SUSD3: variants seen among roughly 807,000 people sequenced by gnomAD.
The protein encoded by SUSD3 is sushi domain-containing protein 3.
Under a neutral mutation model 20.6 loss-of-function variants are expected in SUSD3, and 18 were observed. The ratio of observed to expected loss-of-function variants is 0.87; its 90% CI spans 0.60 to 1.30. The LOEUF (loss-of-function observed/expected upper bound fraction) is 1.30. Ranked by LOEUF, SUSD3 falls within the 50% of genes most tolerant of loss-of-function variation. The pLI, the probability that SUSD3 is intolerant of heterozygous loss-of-function variation, is 0.00. For missense variants in SUSD3, 306 were observed against 346.9 expected (o/e 0.88, Z 0.94); for synonymous variants, 137 against 141.5 (o/e 0.97, Z 0.23).
Position 93,070,319 on chromosome 9 carries a change from G to A in SUSD3, c.89-5465G>A, listed in dbSNP as rs77880634. Among the ~76,000 whole-genome samples the A allele has an allele frequency of 4.0e-3, 603 of 152,264 alleles. 3 individuals are homozygous for A. Among genetic ancestry groups the A allele is most frequent in the African/African-American group, 0.012 (502 of 41,556 alleles). ...TGTAATAATACAGATAAAGAATGTGGGGTGCTCTTGAACAGAATATTCTAT... is the reference window on the plus strand; with the variant it reads ...TGTAATAATACAGATAAAGAATGTGAGGTGCTCTTGAACAGAATATTCTAT... On this transcript the variant is annotated intron_variant, in intron 1 of 4. Coordinates refer to ENST00000375472, the MANE Select transcript of SUSD3 (RefSeq NM_145006.4).
At chr9:93,059,506 A>G (rs2118891400) in intron 1 of SUSD3, among the ~76,000 whole-genome samples, 1 of 152,290 alleles carries the variant, frequency 6.6e-6, no homozygotes, top group East Asian at 1.9e-4. Context: ...CGGGGTTCGA[A>G]TGCTGGCCTT....
In SUSD3 at chr9:93,058,713, G is replaced by C. The variant is rs1477798261; in HGVS notation, c.-30G>C. On this transcript the variant is annotated 5_prime_UTR_variant, in exon 1 of 5. Coordinates refer to ENST00000375472, the MANE Select transcript of SUSD3 (RefSeq NM_145006.4). Reference sequence around the variant, plus strand: ...ACAAGCCGGGCTCACTCCCCTGGCAGACCCCGCCAAGCGCCTCGGAGCGCG... The same window carrying C: ...ACAAGCCGGGCTCACTCCCCTGGCACACCCCGCCAAGCGCCTCGGAGCGCG... 1.6e-6 allele frequency: 2 copies of C among 1,220,320 alleles called. No homozygotes were observed. The highest frequency in any genetic ancestry group is 1.6e-5 in the African/African-American group (1 of 64,078). 75.6% of individuals were successfully genotyped at this position (1,220,320 alleles called of 1,614,324 possible).
intron 1 of SUSD3, among the ~76,000 whole-genome samples, chr9:93,066,775 C>G (rs556783865): frequency 1.3e-5 from 2 of 152,178 alleles, no homozygotes; most frequent in Admixed American, 1.3e-4. Flanking sequence ...GTGGCACAAT[C>G]TTGGCTCACT....
At chr9:93,069,186 T>A in intron 1 of SUSD3, 1 of 701,050 alleles carries the variant, frequency 1.4e-6, no homozygotes, top group Non-Finnish European at 2.6e-6. Context: ...AGTGTTGTGA[T>A]GAAATCTCAC....
chr9:93,078,262 A>G (rs1436272906), intron 3 of SUSD3, among the ~76,000 whole-genome samples: 1 of 151,944 alleles, frequency 6.6e-6, no homozygotes, highest in Non-Finnish European at 1.5e-5. Flanking sequence ...TATTTTATTT[A>G]TTTATTTTTT....
chr9:93,071,371 G>C (rs985333467), intron 1 of SUSD3, among the ~76,000 whole-genome samples: 3 of 152,218 alleles, frequency 2.0e-5, no homozygotes, highest in Non-Finnish European at 4.4e-5. Flanking sequence ...AGCCACTGGT[G>C]TAAGTCCAAG....
intron 1 of SUSD3, among the ~76,000 whole-genome samples, chr9:93,074,189 A>G (rs1826027153): frequency 6.6e-6 from 1 of 152,058 alleles, no homozygotes; most frequent in Admixed American, 6.6e-5. Flanking sequence ...TCACGTCTGT[A>G]ATCCCAGCAC....
intron 1 of SUSD3, among the ~76,000 whole-genome samples, chr9:93,069,564 T>C (rs555517507): frequency 2.0e-5 from 3 of 152,202 alleles, no homozygotes; most frequent in Non-Finnish European, 4.4e-5. Context: ...ATAACTAATT[T>C]ATTCTTTTTG....
intron 4 of SUSD3, among the ~76,000 whole-genome samples, chr9:93,080,971 G>A (rs547581106): frequency 1.3e-5 from 2 of 152,302 alleles, no homozygotes; most frequent in African/African-American, 4.8e-5. Flanking sequence ...ATACACAAAA[G>A]TAGAATATTG....
chr9:93,065,951 T>C (rs1825694284), intron 1 of SUSD3, among the ~76,000 whole-genome samples: 1 of 152,196 alleles, frequency 6.6e-6, no homozygotes. Flanking sequence ...CCCAGGGTTA[T>C]AGGAAATAGC....
Position 93,084,538 on chromosome 9 carries a change from G to T in SUSD3, c.559G>T (p.Asp187Tyr). The T allele has an allele frequency of 4.4e-6, 7 of 1,588,562 alleles. No homozygotes were observed. Among genetic ancestry groups the T allele is most frequent in the Non-Finnish European group, 6.0e-6 (7 of 1,167,178 alleles). ...AACTCATGCCTCCTCTCTCCACAGA[G>T]ACCATGGTGAGAGCACCAGCAAGCT... The part of the protein sequence containing the change: ...QAHDNHSFTT[D>Y]HGESTSKLAS... Residue 187 changes from aspartate (D) to tyrosine (Y), a missense_variant and splice_region_variant, in exon 5 of 5, where the codon GAC (aspartate) becomes TAC (tyrosine). Transcript: ENST00000375472.
chr9:93,077,917 C>T lies in SUSD3; in HGVS notation c.349C>T (p.Leu117=). The T allele has an allele frequency of 1.2e-6, 2 of 1,614,238 alleles. No individual in the cohort carries two copies. The highest frequency in any genetic ancestry group is 2.2e-5 in the East Asian group (1 of 44,882). The change falls in exon 3 of 5, where the codon CTG becomes TTG. Residue 117 remains leucine, a synonymous_variant. Coordinates refer to ENST00000375472, the MANE Select transcript of SUSD3 (RefSeq NM_145006.4). ...IASIVSCAII[L]LMSMAFLTCC... ...CTCCATTGTGAGCTGTGCCATCATC[C>T]TGCTCATGTCCATGGCCTTCCTCAC... is the stretch of plus-strand genomic sequence containing the variant.
intron 3 of SUSD3, 144 bp downstream of exon 3, chr9:93,078,137 T>C (rs1339976599): frequency 2.6e-6 from 3 of 1,168,480 alleles, no homozygotes; most frequent in Non-Finnish European, 2.4e-6. Context: ...GGCCTGCGTC[T>C]CCCCCCCAAG....
At position 93,079,525 on chromosome 9, in the gene SUSD3, C is replaced by T. The variant is rs371187063; in HGVS notation, c.480C>T (p.Ala160=). ...ATGAGGACTTGGAGACGGTGCAGGC[C>T]GCATACCTTGGCCTCAAGCACTTCA... ...LKDEDLETVQ[A]AYLGLKHFNK... The change falls in exon 4 of 5, where the codon GCC becomes GCT. Residue 160 remains alanine (A), a synonymous_variant. Coordinates refer to ENST00000375472, the MANE Select transcript of SUSD3 (RefSeq NM_145006.4). 32 of 1,614,012 alleles carry T rather than the reference C, an allele frequency of 2.0e-5. No homozygotes were observed. The East Asian group carries it at 3.3e-4, about 17-fold the overall frequency.
intron 1 of SUSD3, among the ~76,000 whole-genome samples, chr9:93,075,472 A>G (rs1826097220): frequency 7.3e-6 from 1 of 136,124 alleles, no homozygotes; most frequent in South Asian, 2.3e-4. Context: ...TTTAGGTCAT[A>G]ATCAAAGGCC....
At chr9:93,064,405 G>A (rs929044530) in intron 1 of SUSD3, among the ~76,000 whole-genome samples, 1 of 152,190 alleles carries the variant, frequency 6.6e-6, no homozygotes, top group Non-Finnish European at 1.5e-5. Flanking sequence ...GACAGGCTCT[G>A]GGGATGCTGG....
chr9:93,074,616 CTTTTTTTTTTTT>C (rs989411910), intron 1 of SUSD3, among the ~76,000 whole-genome samples: 7 of 96,368 alleles, frequency 7.3e-5, no homozygotes, highest in Non-Finnish European at 4.0e-5. Flanking sequence ...GCAGCAGATT[CTTTTTTTTTTTT>C]TTTTTTTTTT....
At chr9:93,076,396 A>C (rs985442561) in intron 2 of SUSD3, among the ~76,000 whole-genome samples, 5 of 152,168 alleles carry the variant, frequency 3.3e-5, no homozygotes, top group Admixed American at 6.5e-5. Context: ...CAGGAATCTT[A>C]AGTACTGGCA....
chr9:93,072,770 T>G (rs1825961300), intron 1 of SUSD3, among the ~76,000 whole-genome samples: 1 of 152,200 alleles, frequency 6.6e-6, no homozygotes, highest in African/African-American at 2.4e-5. Flanking sequence ...ATTTTAAAAT[T>G]AGAGTCCACA....
Sources: allele counts gnomAD v4.1 joint callset (sites outside exome capture counted in the v4.1 genomes callset), GRCh38; gene constraint gnomAD v4.1.1; transcripts MANE v1.5; gene names NCBI Gene and HGNC (gene_info 2026-07-23, HGNC 2026-07-21).